The following PLEKHG1 variants were observed in gnomAD, a reference collection of about 807,000 sequenced individuals.
The protein encoded by PLEKHG1 is pleckstrin homology and RhoGEF domain containing G1, also known as pleckstrin homology domain-containing family G member 1.
Under a neutral mutation model 100.8 loss-of-function variants are expected in PLEKHG1, and 44 were observed. That is an observed-to-expected ratio of 0.44 (90% CI 0.34 to 0.56). PLEKHG1 has a LOEUF of 0.56. Ranked by LOEUF, PLEKHG1 falls within the 20% of genes least tolerant of loss-of-function variation. The probability of loss-of-function intolerance (pLI) is 0.01; values close to 1 mark genes in which losing one functional copy is unlikely to be tolerated. For missense variants in PLEKHG1, 1,545 were observed against 1,720.9 expected (o/e 0.90, Z 1.81); for synonymous variants, 640 against 662.5 (o/e 0.97, Z 0.52).
rs202245274 is a variant in PLEKHG1 at position 150,831,437 on chromosome 6, G to A, written c.2326G>A (p.Val776Met). 199 of 1,614,132 alleles carry A rather than the reference G, an allele frequency of 1.2e-4. 1 individual carries two copies. In the Middle Eastern group the frequency reaches 4.1e-3, roughly 33 times the overall value. The change falls in exon 15 of 16, where the codon GTG (valine) becomes ATG (methionine). Residue 776 changes from valine to methionine, a missense_variant. Physicochemically the swap from Val to Met is conservative, Grantham distance 21. Coordinates refer to ENST00000358517, the Ensembl canonical transcript of PLEKHG1. The surrounding 1 kb of genome is among the most constrained non-coding windows in gnomAD (Gnocchi z 4.1). ...CTTTTTGGGTCTGGAGGCCGACTTC[G>A]TGTGCTGTGACAGCCTGAGGCCATT...
chr6:150,779,344 G>GTTTGTTTGTTTTTT (rs1257363893), intron 3 of PLEKHG1, among the ~76,000 whole-genome samples: 22 of 104,530 alleles, frequency 2.1e-4, no homozygotes, highest in African/African-American at 5.2e-4. Context: ...TTGTCAAGAA[G>GTTTGTTTGTTTTTT]TTTTTTTTTT....
intron 1 of PLEKHG1, among the ~76,000 whole-genome samples, chr6:150,633,611 C>G (rs1582849653): frequency 1.3e-5 from 2 of 152,092 alleles, no homozygotes; most frequent in East Asian, 3.9e-4. Context: ...CGATGGGGGC[C>G]TTAGTCATCT....
In PLEKHG1 at chr6:150,818,013, G is replaced by A. The variant is rs559310486; in HGVS notation, c.1279-170G>A. On this transcript the variant is annotated intron_variant, in intron 10 of 15. Transcript: ENST00000358517. ...TAGCAGCTATTACCCACTTGAGGGC[G>A]CTCATCTGCTTGAATTCCCTGCACT... 1.8e-3 allele frequency among the ~76,000 whole-genome samples: 270 copies of A among 152,234 alleles called. 3 individuals carry two copies. The highest frequency in any genetic ancestry group is 3.1e-3 in the Non-Finnish European group (212 of 68,028).
chr6:150,649,749 T>C (rs915771793), intron 2 of PLEKHG1, among the ~76,000 whole-genome samples: 25 of 151,946 alleles, frequency 1.6e-4, no homozygotes, highest in African/African-American at 5.3e-4. Context: ...CGGTGGCTCA[T>C]GGCTGTAATC....
chr6:150,661,806 A>G (rs1779204487), intron 3 of PLEKHG1, among the ~76,000 whole-genome samples: 2 of 152,342 alleles, frequency 1.3e-5, no homozygotes, highest in South Asian at 4.1e-4. Context: ...TCATGTGTAT[A>G]TCAGAGCAAT....
At chr6:150,762,298 T>C (rs1583075713) in intron 2 of PLEKHG1, among the ~76,000 whole-genome samples, 3 of 151,742 alleles carry the variant, frequency 2.0e-5, no homozygotes, top group African/African-American at 7.2e-5. Flanking sequence ...CAAGCGATTC[T>C]CCTGCCTCAG....
At chr6:150,737,673 T>C (rs112034522) in intron 2 of PLEKHG1, among the ~76,000 whole-genome samples, 40 of 152,290 alleles carry the variant, frequency 2.6e-4, no homozygotes, top group African/African-American at 9.4e-4. Flanking sequence ...TGTATAATGT[T>C]GTAAATGACT....
At chr6:150,682,779 C>G (rs893340122) in intron 3 of PLEKHG1, among the ~76,000 whole-genome samples, 4 of 152,286 alleles carry the variant, frequency 2.6e-5, no homozygotes, top group Middle Eastern at 3.4e-3. Context: ...GCAGCCAGAT[C>G]ATGCCTGCCC....
intron 3 of PLEKHG1, among the ~76,000 whole-genome samples, chr6:150,652,180 A>C (rs1778773392): frequency 6.6e-6 from 1 of 152,176 alleles, no homozygotes; most frequent in Non-Finnish European, 1.5e-5. Context: ...CCACAATGAC[A>C]CTAAAAGGGA....
chr6:150,670,962 T>C (rs1293576660), intron 3 of PLEKHG1, among the ~76,000 whole-genome samples: 1 of 151,030 alleles, frequency 6.6e-6, no homozygotes, highest in Non-Finnish European at 1.5e-5. Flanking sequence ...CACATACCAG[T>C]GAGAACATAC....
intron 3 of PLEKHG1, among the ~76,000 whole-genome samples, chr6:150,673,524 A>C (rs1056302252): frequency 6.6e-6 from 1 of 152,206 alleles, no homozygotes; most frequent in Non-Finnish European, 1.5e-5. Flanking sequence ...CATTGTGTAC[A>C]CTTGTAGTCA....
chr6:150,626,269 T>A (rs542265951), intron 1 of PLEKHG1, among the ~76,000 whole-genome samples: 2 of 152,134 alleles, frequency 1.3e-5, no homozygotes, highest in African/African-American at 4.8e-5. Flanking sequence ...TAGAGAGAGA[T>A]ACTAAGGCAC....
At chr6:150,632,632 A>G (rs1484822596) in intron 1 of PLEKHG1, among the ~76,000 whole-genome samples, 7 of 152,250 alleles carry the variant, frequency 4.6e-5, no homozygotes, top group Admixed American at 4.6e-4. Flanking sequence ...CAAATGTCCT[A>G]GGGCCATTAT....
At chr6:150,677,691 G>C (rs1308655052) in intron 3 of PLEKHG1, among the ~76,000 whole-genome samples, 1 of 151,588 alleles carries the variant, frequency 6.6e-6, no homozygotes, top group Non-Finnish European at 1.5e-5. Context: ...GCAACATAGT[G>C]AGATCCCGTC....
chr6:150,769,950 G>A (rs189825803), intron 3 of PLEKHG1, among the ~76,000 whole-genome samples: 19 of 152,246 alleles, frequency 1.2e-4, no homozygotes, highest in Admixed American at 8.5e-4. Flanking sequence ...AAGGACAGGA[G>A]TCTGTTTTGT....
intron 4 of PLEKHG1, 138 bp from the exon 6 acceptor site, chr6:150,795,718 G>A (rs1289200976): frequency 5.1e-5 from 18 of 355,462 alleles, no homozygotes; most frequent in African/African-American, 2.0e-4. Flanking sequence ...GCAAAACTCC[G>A]CCTAAAAAAA....
rs1776295349 is a variant in PLEKHG1, at chr6:150,600,460, G to T, written c.-204+443G>T. Among the ~76,000 whole-genome samples the T allele has an allele frequency of 6.6e-6, 1 of 152,068 alleles. No homozygotes were observed. The highest frequency in any genetic ancestry group is 2.1e-4 in the South Asian group (1 of 4,832). On this transcript the variant is annotated intron_variant, in intron 1 of 3. Transcript: ENST00000367326. This position sits in a 1 kb window ranked among gnomAD's most constrained non-coding sequence, Gnocchi z 6.2. Reference sequence around the variant, plus strand: ...ACTCAGCAGGACAGCCCCAGAACGGGACCCCACAGCCAGTCAGCTGGGTCA... The same window carrying T: ...ACTCAGCAGGACAGCCCCAGAACGGTACCCCACAGCCAGTCAGCTGGGTCA...
At chr6:150,642,504 G>A (rs1434854523) in intron 2 of PLEKHG1, among the ~76,000 whole-genome samples, 1 of 152,138 alleles carries the variant, frequency 6.6e-6, no homozygotes, top group Non-Finnish European at 1.5e-5. Flanking sequence ...TCCTCCACTG[G>A]AATGCTGCCA....
chr6:150,815,780 A>T (rs1039857847), intron 10 of PLEKHG1, among the ~76,000 whole-genome samples: 1 of 152,246 alleles, frequency 6.6e-6, no homozygotes, highest in Admixed American at 6.5e-5. Context: ...AAATTATTTT[A>T]AAAGTTATTT....
Sources: allele counts gnomAD v4.1 joint callset (sites outside exome capture counted in the v4.1 genomes callset), GRCh38; gene constraint gnomAD v4.1.1; non-coding constraint Gnocchi (gnomAD v3.1); transcripts MANE v1.5; gene names NCBI Gene and HGNC (gene_info 2026-07-23, HGNC 2026-07-21).